The following LRRTM4 variants were observed in gnomAD, a reference collection of about 807,000 sequenced individuals.
LRRTM4 encodes leucine rich repeat transmembrane neuronal 4, also known as leucine-rich repeat transmembrane neuronal protein 4.
LRRTM4 carries 25 observed loss-of-function variants against 47.6 expected under a neutral mutation model. That is an observed-to-expected ratio of 0.53 (90% CI 0.38 to 0.73). The LOEUF is 0.73. LRRTM4 is among the 30% of genes least tolerant of loss of function. LRRTM4 has a pLI of 0.00. For missense variants in LRRTM4, 638 were observed against 713.4 expected, an observed-to-expected ratio of 0.89 and a Z score of 1.20; for synonymous variants, 311 against 269.5, an observed-to-expected ratio of 1.15 and a Z score of -1.51.
rs189583285 is a variant in LRRTM4, at chr2:77,163,155, C to A, written c.1551+355163G>T. On this transcript the variant is annotated intron_variant, in intron 3 of 3. Transcript: ENST00000409884. ...TAAATAACCTGATGGAGCTGAAAACCATGGCACGAGAACTATGTGACACAT... is the reference window on the plus strand; with the variant it reads ...TAAATAACCTGATGGAGCTGAAAACAATGGCACGAGAACTATGTGACACAT... Among the ~76,000 whole-genome samples the A allele has an allele frequency of 3.3e-5, 5 of 152,238 alleles. No homozygotes were observed. In the East Asian group the frequency reaches 9.7e-4, roughly 29 times the overall value.
intron 3 of LRRTM4, among the ~76,000 whole-genome samples, chr2:76,832,937 T>C (rs1671395729): frequency 6.6e-6 from 1 of 152,010 alleles, no homozygotes; most frequent in African/African-American, 2.4e-5. Context: ...TACCAAATTG[T>C]CCATGTTGAG....
Position 77,031,570 on chromosome 2 carries a change from TAG to T in LRRTM4, c.1552-282656_1552-282655del, listed in dbSNP as rs67175222. Among the ~76,000 whole-genome samples, 1,222 of 152,236 alleles carry T rather than the reference TAG, an allele frequency of 8.0e-3. 16 individuals carry two copies. Among genetic ancestry groups the T allele is most frequent in the African/African-American group, 0.028 (1,174 of 41,556 alleles). ...GGGTTACTCGGGGAGTGAGATATAT[TAG>T]AGAGTCCCAAGGTTTATTTAGTCCT... On this transcript the variant is annotated intron_variant, in intron 3 of 3. Coordinates refer to ENST00000409884, the MANE Select transcript of LRRTM4 (RefSeq NM_001134745.3).
intron 3 of LRRTM4, among the ~76,000 whole-genome samples, chr2:77,481,388 C>A (rs1198581327): frequency 6.6e-6 from 1 of 152,112 alleles, no homozygotes; most frequent in Admixed American, 6.6e-5. Context: ...ATGAATAATA[C>A]CTGGCTTTAG....
At chr2:77,287,814 A>C (rs529933775) in intron 3 of LRRTM4, among the ~76,000 whole-genome samples, 1 of 152,156 alleles carries the variant, frequency 6.6e-6, no homozygotes, top group Admixed American at 6.6e-5. Context: ...TATAAATTAA[A>C]CTTTATCATA....
chr2:76,955,093 G>A (rs1675627555), intron 3 of LRRTM4, among the ~76,000 whole-genome samples: 2 of 151,820 alleles, frequency 1.3e-5, no homozygotes, highest in East Asian at 2.0e-4. Context: ...AACTCTTCAT[G>A]TTAAAATAAA....
chr2:77,500,446 CA>C (rs35997628), intron 3 of LRRTM4, among the ~76,000 whole-genome samples: 33,439 of 148,574 alleles, frequency 0.23, 3,942 homozygotes, highest in Middle Eastern at 0.33. Flanking sequence ...ACCATACAAA[CA>C]AAAAAAAATC....
At chr2:76,779,020 C>G (rs1674194158) in intron 3 of LRRTM4, among the ~76,000 whole-genome samples, 1 of 134,038 alleles carries the variant, frequency 7.5e-6, no homozygotes. Flanking sequence ...CGTTATGTAC[C>G]CAGTAGTCAT....
chr2:77,450,829 T>TTA (rs558294476), intron 3 of LRRTM4, among the ~76,000 whole-genome samples: 22 of 152,064 alleles, frequency 1.4e-4, no homozygotes, highest in South Asian at 6.2e-4. Context: ...CCCATCTATT[T>TTA]TATATATATA....
chr2:77,045,953 T>C (rs1231658349), intron 3 of LRRTM4, among the ~76,000 whole-genome samples: 2 of 151,990 alleles, frequency 1.3e-5, no homozygotes, highest in Non-Finnish European at 2.9e-5. Flanking sequence ...GTTATATCTC[T>C]TAAGAAGTAC....
intron 3 of LRRTM4, among the ~76,000 whole-genome samples, chr2:77,045,343 T>C (rs146271810): frequency 1.9e-4 from 29 of 152,090 alleles, no homozygotes; most frequent in African/African-American, 6.0e-4. Flanking sequence ...TTATTTATTT[T>C]TATTTTATTT....
chr2:77,290,304 T>G (rs763501878), intron 3 of LRRTM4, among the ~76,000 whole-genome samples: 1 of 151,886 alleles, frequency 6.6e-6, no homozygotes, highest in Admixed American at 6.6e-5. Flanking sequence ...GAAGTTCTAT[T>G]TGACATATGT....
At chr2:76,976,112 C>G (rs1337067648) in intron 3 of LRRTM4, among the ~76,000 whole-genome samples, 4 of 151,684 alleles carry the variant, frequency 2.6e-5, no homozygotes. Context: ...AACCTTTATA[C>G]AAATTTTAAT....
intron 3 of LRRTM4, among the ~76,000 whole-genome samples, chr2:77,189,770 T>A (rs866444028): frequency 2.0e-5 from 3 of 151,474 alleles, no homozygotes; most frequent in South Asian, 2.1e-4. Flanking sequence ...TATATACATA[T>A]ACACACACAC....
chr2:77,094,044 G>A (rs115211270), intron 3 of LRRTM4, among the ~76,000 whole-genome samples: 2,594 of 152,088 alleles, frequency 0.017, 38 homozygotes, highest in Non-Finnish European at 0.022. Context: ...TCTGTTTGCT[G>A]ATGACAATCT....
At chr2:77,259,127 TTG>T (rs1675848261) in intron 3 of LRRTM4, among the ~76,000 whole-genome samples, 2 of 152,030 alleles carry the variant, frequency 1.3e-5, no homozygotes, top group African/African-American at 4.8e-5. Flanking sequence ...AAAAAAAAAT[TTG>T]TGTTTTTTAA....
intron 3 of LRRTM4, among the ~76,000 whole-genome samples, chr2:76,856,282 AAG>A (rs1246663046): frequency 1.3e-5 from 2 of 151,784 alleles, no homozygotes; most frequent in Non-Finnish European, 1.5e-5. Flanking sequence ...GTCTCAGAAA[AAG>A]AGAGAGAGAG....
At chr2:77,475,047 T>C (rs946897684) in intron 3 of LRRTM4, among the ~76,000 whole-genome samples, 1 of 152,130 alleles carries the variant, frequency 6.6e-6, no homozygotes, top group African/African-American at 2.4e-5. Flanking sequence ...GACAACTGAC[T>C]TTTTGAAAAT....
intron 3 of LRRTM4, among the ~76,000 whole-genome samples, chr2:76,897,553 G>A (rs529741219): frequency 6.6e-6 from 1 of 152,046 alleles, no homozygotes; most frequent in African/African-American, 2.4e-5. Context: ...ATGTGATGAA[G>A]GAAAAGAGAA....
intron 3 of LRRTM4, among the ~76,000 whole-genome samples, chr2:77,102,314 A>G (rs1670976287): frequency 6.6e-6 from 1 of 152,154 alleles, no homozygotes; most frequent in Admixed American, 6.5e-5. Flanking sequence ...ACATCCAAGC[A>G]CTGTACTAGT....
Sources: allele counts gnomAD v4.1 joint callset (sites outside exome capture counted in the v4.1 genomes callset), GRCh38; gene constraint gnomAD v4.1.1; transcripts MANE v1.5; gene names NCBI Gene and HGNC (gene_info 2026-07-23, HGNC 2026-07-21).